The following EIPR1 variants were observed in gnomAD, a reference collection of about 807,000 sequenced individuals.
The protein encoded by EIPR1 is EARP complex and GARP complex interacting protein 1, also known as EARP and GARP complex-interacting protein 1.
A neutral mutation model predicts 48.1 loss-of-function variants in EIPR1; 25 were observed. That is an observed-to-expected ratio of 0.52 (90% CI 0.38 to 0.73). EIPR1 has a LOEUF of 0.73. EIPR1 is among the 30% of genes least tolerant of loss of function. The probability of loss-of-function intolerance (pLI) is 0.00; values close to 1 mark genes in which losing one functional copy is unlikely to be tolerated. For synonymous variants in EIPR1, 204 were observed against 201.9 expected (o/e 1.01, Z -0.09); for missense variants, 415 against 506.2 (o/e 0.82, Z 1.73).
At chr2:3,371,693 A>G (rs976541154) in intron 1 of EIPR1, among the ~76,000 whole-genome samples, 6 of 152,244 alleles carry the variant, frequency 3.9e-5, no homozygotes, top group African/African-American at 9.6e-5. Flanking sequence ...TATCCTAAAT[A>G]TATATGCACC....
At chr2:3,285,945 G>A (rs900914553) in intron 3 of EIPR1, among the ~76,000 whole-genome samples, 1 of 152,096 alleles carries the variant, frequency 6.6e-6, no homozygotes, top group East Asian at 1.9e-4. Context: ...ACCCTCGCAC[G>A]GAGCAGAAGT....
chr2:3,285,437 G>T (rs1289787569), intron 3 of EIPR1, among the ~76,000 whole-genome samples: 1 of 151,742 alleles, frequency 6.6e-6, no homozygotes, highest in Non-Finnish European at 1.5e-5. Context: ...CTTCTATCAA[G>T]GCTCAGGGCC....
chr2:3,355,878 C>T (rs1424716604), intron 1 of EIPR1, among the ~76,000 whole-genome samples: 1 of 150,912 alleles, frequency 6.6e-6, no homozygotes, highest in East Asian at 1.9e-4. Flanking sequence ...TACAATAAAA[C>T]AAAACCACAT....
At chr2:3,281,508 G>A (rs1668010473) in intron 3 of EIPR1, among the ~76,000 whole-genome samples, 2 of 152,076 alleles carry the variant, frequency 1.3e-5, no homozygotes, top group South Asian at 4.1e-4. Context: ...CAACTGGAGT[G>A]GTGAGATGAA....
At chr2:3,361,312 AG>A (rs1670846183) in intron 1 of EIPR1, among the ~76,000 whole-genome samples, 3 of 152,122 alleles carry the variant, frequency 2.0e-5, no homozygotes, top group Middle Eastern at 3.4e-3. Context: ...CCCTGGTGCA[AG>A]CCCAACCCCC....
At chr2:3,295,258 T>C (rs1293821583) in intron 3 of EIPR1, among the ~76,000 whole-genome samples, 8 of 56,676 alleles carry the variant, frequency 1.4e-4, no homozygotes, top group South Asian at 7.2e-4. Context: ...ATCCAGCCCG[T>C]CCTCTCTCCA....
intron 3 of EIPR1, among the ~76,000 whole-genome samples, chr2:3,266,900 G>A (rs925150661): frequency 1.3e-5 from 2 of 152,242 alleles, no homozygotes; most frequent in African/African-American, 4.8e-5. Context: ...CAGAGGCGTG[G>A]CCTCTCTCGG....
chr2:3,351,279 G>A (rs143228302), intron 2 of EIPR1, among the ~76,000 whole-genome samples: 1 of 152,280 alleles, frequency 6.6e-6, no homozygotes, highest in East Asian at 1.9e-4. Context: ...GGGATTACAT[G>A]CGTGAGCGAC....
intron 5 of EIPR1, among the ~76,000 whole-genome samples, chr2:3,206,242 G>C (rs910882114): frequency 6.6e-6 from 1 of 152,210 alleles, no homozygotes; most frequent in Middle Eastern, 3.2e-3. Flanking sequence ...GATGGCAGGA[G>C]CTGGTAGCAC....
chr2:3,200,768 G>GA (rs1250332374), intron 5 of EIPR1, among the ~76,000 whole-genome samples: 3 of 152,132 alleles, frequency 2.0e-5, no homozygotes, highest in Admixed American at 1.3e-4. Context: ...GAGTCTGGTA[G>GA]GCTCACCAAG....
At chr2:3,318,584 C>A (rs975493168) in intron 3 of EIPR1, among the ~76,000 whole-genome samples, 3 of 152,156 alleles carry the variant, frequency 2.0e-5, no homozygotes, top group Non-Finnish European at 4.4e-5. Flanking sequence ...GCCCACTATT[C>A]CAGAGCCATG....
intron 4 of EIPR1, among the ~76,000 whole-genome samples, chr2:3,216,425 G>A (rs981737145): frequency 2.0e-5 from 3 of 152,142 alleles, no homozygotes; most frequent in Non-Finnish European, 2.9e-5. Flanking sequence ...CCAGCAAGAC[G>A]CAGTGTACGT....
At chr2:3,262,012 A>G (rs1398783521) in intron 3 of EIPR1, 1 of 151,952 alleles carries the variant, frequency 6.6e-6, no homozygotes, top group Non-Finnish European at 1.5e-5. Context: ...CCTGTGGATG[A>G]CTCTAAGCTC....
At position 3,214,200 on chromosome 2, in the gene EIPR1, A is replaced by G; in HGVS notation, c.465T>C (p.Ala155=). ...MGDGKKIISL[A]DNHILLWDLQ... ...AATCCCACAGCAGGATATGGTTATC[A>G]GCCAAGGAAATGATTTTCTTCCCAT... Residue 155 remains alanine, a synonymous_variant, in exon 5 of 9, where the codon GCT becomes GCC. Coordinates refer to ENST00000382125, the MANE Select transcript of EIPR1 (RefSeq NM_003310.5). 3 of 1,613,980 alleles carry G rather than the reference A, an allele frequency of 1.9e-6. No homozygotes were observed. Among genetic ancestry groups the G allele is most frequent in the Non-Finnish European group, 2.5e-6 (3 of 1,179,942 alleles).
At chr2:3,330,289 A>G (rs62119485) in intron 3 of EIPR1, among the ~76,000 whole-genome samples, 26,203 of 152,262 alleles carry the variant, frequency 0.17, 2,446 homozygotes, top group Non-Finnish European at 0.21. Context: ...TTTAGAGAGC[A>G]GCAAGAGAAG....
At chr2:3,350,439 G>C (rs1461361320) in intron 2 of EIPR1, among the ~76,000 whole-genome samples, 1 of 151,936 alleles carries the variant, frequency 6.6e-6, no homozygotes, top group Non-Finnish European at 1.5e-5. Context: ...TCAAAACTGG[G>C]GATTACAATT....
intron 5 of EIPR1, chr2:3,208,468 A>C (rs1422075000): frequency 1.3e-6 from 2 of 1,504,048 alleles, no homozygotes; most frequent in Non-Finnish European, 1.8e-6. Flanking sequence ...TCCTCTTCTC[A>C]TCTGTCAGTT....
chr2:3,218,390 T>C (rs1409819498), intron 4 of EIPR1, among the ~76,000 whole-genome samples: 932 of 51,236 alleles, frequency 0.018, no homozygotes, highest in African/African-American at 0.029. Flanking sequence ...ACACCCAACA[T>C]GGCCCTGATA....
At chr2:3,317,685 A>T (rs1558294325) in intron 3 of EIPR1, among the ~76,000 whole-genome samples, 1 of 152,208 alleles carries the variant, frequency 6.6e-6, no homozygotes, top group Non-Finnish European at 1.5e-5. Context: ...ACCCAGTGTG[A>T]CTGTACTGGA....
Sources: gnomAD v4.1 joint callset for allele counts (sites outside exome capture counted in the v4.1 genomes callset) on GRCh38, gnomAD v4.1.1 for gene constraint, MANE v1.5 for transcripts, NCBI Gene and HGNC (gene_info 2026-07-23, HGNC 2026-07-21) for gene names.